Variants in CEP112 observed in about 807,000 individuals in gnomAD.
CEP112 encodes the protein centrosomal protein of 112 kDa.
A neutral mutation model predicts 153.0 loss-of-function variants in CEP112; 127 were observed. The ratio of observed to expected loss-of-function variants is 0.83; its 90% CI spans 0.72 to 0.96. The LOEUF (loss-of-function observed/expected upper bound fraction) is 0.96. Ranked by LOEUF, CEP112 falls within the 40% of genes least tolerant of loss-of-function variation. CEP112 has a pLI of 0.00. For synonymous variants in CEP112, 358 were observed against 374.4 expected (o/e 0.96, Z 0.51); for missense variants, 1,089 against 1,101.2 (o/e 0.99, Z 0.16).
intron 24 of CEP112, among the ~76,000 whole-genome samples, chr17:65,682,625 A>G (rs754728345): frequency 4.6e-5 from 7 of 152,108 alleles, no homozygotes; most frequent in Non-Finnish European, 8.8e-5. Context: ...AAGAGTAGAC[A>G]CTCAGTAACA....
intron 21 of CEP112, among the ~76,000 whole-genome samples, chr17:65,807,219 G>A (rs1227519438): frequency 6.6e-6 from 1 of 152,118 alleles, no homozygotes; most frequent in African/African-American, 2.4e-5. Flanking sequence ...AATGATTTAG[G>A]GTATCAGGTG....
chr17:65,767,390 T>A (rs8072765), intron 21 of CEP112, among the ~76,000 whole-genome samples: 2 of 151,858 alleles, frequency 1.3e-5, no homozygotes, highest in East Asian at 3.9e-4. Flanking sequence ...AAAGCATAAA[T>A]GTCCCATAAG....
At chr17:66,013,841 A>G (rs541278786) in intron 16 of CEP112, among the ~76,000 whole-genome samples, 1 of 152,268 alleles carries the variant, frequency 6.6e-6, no homozygotes, top group South Asian at 2.1e-4. Context: ...GGGAGGGGTC[A>G]CTGGCATCTG....
At chr17:65,839,332 G>A (rs2146203199) in intron 21 of CEP112, among the ~76,000 whole-genome samples, 1 of 152,104 alleles carries the variant, frequency 6.6e-6, no homozygotes, top group Admixed American at 6.5e-5. Flanking sequence ...GATTTATCCT[G>A]GGGATGCAAG....
chr17:65,846,028 T>C (rs1319129101), intron 21 of CEP112, among the ~76,000 whole-genome samples: 2 of 152,220 alleles, frequency 1.3e-5, no homozygotes, highest in Non-Finnish European at 2.9e-5. Flanking sequence ...AATGTCACAC[T>C]GAGATTATTT....
At chr17:65,847,526 T>C (rs2146273439) in intron 21 of CEP112, among the ~76,000 whole-genome samples, 1 of 152,338 alleles carries the variant, frequency 6.6e-6, no homozygotes, top group South Asian at 2.1e-4. Context: ...CTTCTCTATA[T>C]CTTTACCAAT....
At chr17:65,768,469 G>A (rs2053134727) in intron 21 of CEP112, among the ~76,000 whole-genome samples, 1 of 152,018 alleles carries the variant, frequency 6.6e-6, no homozygotes, top group African/African-American at 2.4e-5. Context: ...CATTTTATGA[G>A]GCAGCATTAC....
At chr17:65,752,525 A>G (rs191694315) in intron 21 of CEP112, among the ~76,000 whole-genome samples, 16 of 152,226 alleles carry the variant, frequency 1.1e-4, no homozygotes, top group Non-Finnish European at 2.1e-4. Context: ...TTTCTCCTCA[A>G]CTGTACCTGA....
At chr17:65,815,084 A>G (rs1359401699) in intron 21 of CEP112, among the ~76,000 whole-genome samples, 4 of 152,064 alleles carry the variant, frequency 2.6e-5, no homozygotes, top group East Asian at 1.9e-4. Context: ...TCTGAGTCCA[A>G]TTGAAGAAAT....
At position 65,655,292 on chromosome 17, in the gene CEP112, G is replaced by A. The variant is rs948863830; in HGVS notation, c.2698-14227C>T. 28 of 1,405,640 alleles carry A rather than the reference G, an allele frequency of 2.0e-5. 1 individual carries two copies. Among genetic ancestry groups the A allele is most frequent in the South Asian group, 1.5e-4 (13 of 86,798 alleles). 87.1% of individuals were successfully genotyped at this position (1,405,640 alleles called of 1,614,324 possible). A position where few individuals can be genotyped will look rare whatever the true frequency, so the allele number is the denominator to read the frequency against. On this transcript the variant is annotated intron_variant, in intron 24 of 26. Coordinates refer to ENST00000535342, the MANE Select transcript of CEP112 (RefSeq NM_001199165.4). Reference sequence around the variant, plus strand: ...TGCCTTTGTTGGGTGCAGGCTGAGCGACCGCAGCCTCAGACACTACAGCTG... The same window carrying A: ...TGCCTTTGTTGGGTGCAGGCTGAGCAACCGCAGCCTCAGACACTACAGCTG...
intron 17 of CEP112, among the ~76,000 whole-genome samples, chr17:65,984,634 A>AT (rs1340609967): frequency 6.6e-6 from 1 of 152,176 alleles, no homozygotes; most frequent in African/African-American, 2.4e-5. Context: ...ACAATCCTGG[A>AT]ACTCTGCCTA....
Position 66,066,932 on chromosome 17 carries a change from C to A in CEP112, c.856-55G>T, listed in dbSNP as rs971784960. 14 of 1,106,510 alleles carry A rather than the reference C, an allele frequency of 1.3e-5. No homozygotes were observed. In the Admixed American group the frequency reaches 4.0e-4, roughly 32 times the overall value. The allele number at this position is 1,106,510 out of a possible 1,614,324, so 68.5% of individuals were successfully genotyped here. A position where few individuals can be genotyped will look rare whatever the true frequency, so the allele number is the denominator to read the frequency against. On this transcript the variant is annotated intron_variant, in intron 9 of 26. Coordinates refer to ENST00000535342, the MANE Select transcript of CEP112 (RefSeq NM_001199165.4). ...ATTGTACTACTTTACATATAGGACA[C>A]TTTTTTGAATCCTGATATATTTAAT...
rs534632387 is a variant in CEP112, at chr17:66,025,491, G to T, written c.1656+2010C>A. Among the ~76,000 whole-genome samples the T allele has an allele frequency of 6.6e-5, 10 of 151,712 alleles. No homozygotes were observed. In the East Asian group the frequency reaches 1.9e-3, roughly 29 times the overall value. ...TAACCCCATTATAAAGTGGACAAAG[G>T]GCATGAGTAGACATTTTTCAAAAAA... is the stretch of plus-strand genomic sequence containing the variant. On this transcript the variant is annotated intron_variant, in intron 16 of 26. Transcript: ENST00000535342.
chr17:66,092,166 A>G (rs1309872006), intron 8 of CEP112, among the ~76,000 whole-genome samples: 2 of 151,666 alleles, frequency 1.3e-5, no homozygotes, highest in African/African-American at 4.8e-5. Context: ...CAGCCTCCCA[A>G]GTAGCTGGGA....
intron 20 of CEP112, among the ~76,000 whole-genome samples, chr17:65,867,070 A>G (rs895844503): frequency 6.6e-6 from 1 of 152,208 alleles, no homozygotes. Flanking sequence ...CCAGGGCTGT[A>G]ACATCCTCTT....
intron 18 of CEP112, among the ~76,000 whole-genome samples, chr17:65,937,827 C>T (rs1384451881): frequency 9.6e-5 from 9 of 93,290 alleles, no homozygotes; most frequent in African/African-American, 1.8e-4. Flanking sequence ...CCAGCCGCCC[C>T]GTCCGGGAGG....
chr17:65,956,986 G>A (rs185957328), intron 18 of CEP112, among the ~76,000 whole-genome samples: 1 of 152,182 alleles, frequency 6.6e-6, no homozygotes, highest in Non-Finnish European at 1.5e-5. Flanking sequence ...ATACAGCATG[G>A]ATATGCTGGA....
chr17:66,089,878 A>G lies in CEP112; in HGVS notation c.768+6373T>C, dbSNP rs75497575. ...AATTCAAGCAAGACTATACCAAGCC[A>G]TGTTATAATCAAACTGTCAAATATA... On this transcript the variant is annotated intron_variant, in intron 8 of 26. Coordinates refer to ENST00000535342, the MANE Select transcript of CEP112 (RefSeq NM_001199165.4). Among the ~76,000 whole-genome samples the G allele has an allele frequency of 4.0e-3, 603 of 152,298 alleles. 7 individuals are homozygous for G. The highest frequency in any genetic ancestry group is 0.032 in the East Asian group (168 of 5,190).
intron 18 of CEP112, among the ~76,000 whole-genome samples, chr17:65,952,639 TG>T (rs2061874159): frequency 6.6e-6 from 1 of 152,174 alleles, no homozygotes; most frequent in African/African-American, 2.4e-5. Context: ...AGGAATGGAA[TG>T]ACTGACATAT....
Sources: allele counts gnomAD v4.1 joint callset (sites outside exome capture counted in the v4.1 genomes callset), GRCh38; gene constraint gnomAD v4.1.1; transcripts MANE v1.5; gene names NCBI Gene and HGNC (gene_info 2026-07-23, HGNC 2026-07-21).